Variants in DACH1 observed in about 807,000 individuals in gnomAD.
DACH1 encodes the protein dachshund homolog 1.
In DACH1, 12 loss-of-function variants were observed where a neutral mutation model predicts 54.2. The ratio of observed to expected loss-of-function variants is 0.22; its 90% confidence interval spans 0.14 to 0.36. DACH1 has a LOEUF of 0.36. DACH1 is among the 10% of genes least tolerant of loss of function. The probability of loss-of-function intolerance (pLI) is 1.00; values close to 1 mark genes in which losing one functional copy is unlikely to be tolerated. For missense variants in DACH1, 805 were observed against 929.8 expected, an observed-to-expected ratio of 0.87 and a Z score of 1.75; for synonymous variants, 386 against 366.2, an observed-to-expected ratio of 1.05 and a Z score of -0.62.
intron 1 of DACH1, among the ~76,000 whole-genome samples, chr13:71,698,288 T>A (rs1208417845): frequency 6.6e-6 from 1 of 152,158 alleles, no homozygotes; most frequent in Non-Finnish European, 1.5e-5. Context: ...TGTAATTAGT[T>A]AATAAACATT....
chr13:71,783,147 C>G (rs1886454139), intron 1 of DACH1, among the ~76,000 whole-genome samples: 2 of 152,114 alleles, frequency 1.3e-5, no homozygotes, highest in Non-Finnish European at 2.9e-5. Flanking sequence ...AGTTACAACA[C>G]TATCACCAGA....
chr13:71,495,699 A>G (rs776272016), intron 6 of DACH1, among the ~76,000 whole-genome samples: 5 of 152,190 alleles, frequency 3.3e-5, no homozygotes, highest in Admixed American at 3.3e-4. Context: ...GAATATTTAT[A>G]CATTATGGTG....
chr13:71,813,988 C>T (rs572961009), intron 1 of DACH1, among the ~76,000 whole-genome samples: 27 of 152,074 alleles, frequency 1.8e-4, no homozygotes, highest in African/African-American at 6.5e-4. Context: ...GTTGTAGTCT[C>T]GGAATAATTA....
chr13:71,506,574 C>T (rs1284415538), intron 6 of DACH1, among the ~76,000 whole-genome samples: 1 of 151,580 alleles, frequency 6.6e-6, no homozygotes, highest in Non-Finnish European at 1.5e-5. Flanking sequence ...TCATATGGAA[C>T]CAAAAAAGAG....
chr13:71,810,776 TTTAAA>T (rs1488530059), intron 1 of DACH1, among the ~76,000 whole-genome samples: 4 of 152,172 alleles, frequency 2.6e-5, no homozygotes, highest in Admixed American at 1.3e-4. Context: ...CCATAAATAA[TTTAAA>T]TTAAACTACA....
chr13:71,482,586 A>C (rs956369310), intron 7 of DACH1, among the ~76,000 whole-genome samples: 2 of 152,192 alleles, frequency 1.3e-5, no homozygotes, highest in African/African-American at 4.8e-5. Context: ...ACCAAGATGC[A>C]GAAGAATCAA....
At position 71,711,115 on chromosome 13, in the gene DACH1, C is replaced by G. The variant is rs543635351; in HGVS notation, c.849-29205G>C. 3.3e-5 allele frequency among the ~76,000 whole-genome samples: 5 copies of G among 152,234 alleles called. No individual in the cohort carries two copies. The East Asian group carries it at 9.6e-4, about 29-fold the overall frequency. ...ATACACGTTTAGGTCATACACTAGGCTGGATCCTTGAAAAATGCATGAAAT... is the reference window on the plus strand; with the variant it reads ...ATACACGTTTAGGTCATACACTAGGGTGGATCCTTGAAAAATGCATGAAAT... On this transcript the variant is annotated intron_variant, in intron 1 of 10. Coordinates refer to ENST00000613252, the MANE Select transcript of DACH1 (RefSeq NM_080759.6).
chr13:71,703,621 A>C (rs1296234929), intron 1 of DACH1, among the ~76,000 whole-genome samples: 1 of 152,244 alleles, frequency 6.6e-6, no homozygotes, highest in Non-Finnish European at 1.5e-5. Flanking sequence ...CTAGAGCTCA[A>C]CTGCAGATAG....
intron 5 of DACH1, among the ~76,000 whole-genome samples, chr13:71,559,514 T>C (rs1416793444): frequency 1.3e-5 from 2 of 152,206 alleles, no homozygotes; most frequent in East Asian, 3.9e-4. Flanking sequence ...AGACACTAGA[T>C]ATTTGAGAAT....
chr13:71,772,782 A>G (rs1885912962), intron 1 of DACH1, among the ~76,000 whole-genome samples: 1 of 151,786 alleles, frequency 6.6e-6, no homozygotes, highest in South Asian at 2.1e-4. Flanking sequence ...TATCTTAAAT[A>G]AAGAAAAAAG....
rs117017789 is a variant in DACH1 at position 71,468,493 on chromosome 13, G to A, written c.2083+6648C>T. Among the ~76,000 whole-genome samples the A allele has an allele frequency of 1.3e-3, 200 of 152,236 alleles. 2 individuals carry two copies. In the East Asian group the frequency reaches 0.031, roughly 24 times the overall value. ...CCCCATTCCCACACCGATCTTAAAA[G>A]TCATATTAGAAATTGAAATGTGCAT... On this transcript the variant is annotated intron_variant, in intron 10 of 10. Transcript: ENST00000613252.
At position 71,837,495 on chromosome 13, in the gene DACH1, G is replaced by A. The variant is rs78446878; in HGVS notation, c.848+28427C>T. Among the ~76,000 whole-genome samples the A allele has an allele frequency of 4.8e-3, 733 of 152,050 alleles. 32 individuals carry two copies. The East Asian group carries it at 0.088, about 18-fold the overall frequency. ...GTAACTGTTACTCCTATTTATCACCGCTTCTCCACTGTAGGTAGAAGGTAT... is the reference window on the plus strand; with the variant it reads ...GTAACTGTTACTCCTATTTATCACCACTTCTCCACTGTAGGTAGAAGGTAT... On this transcript the variant is annotated intron_variant, in intron 1 of 10. Coordinates refer to ENST00000613252, the MANE Select transcript of DACH1 (RefSeq NM_080759.6).
At chr13:71,694,989 G>A (rs1045461196) in intron 1 of DACH1, among the ~76,000 whole-genome samples, 2 of 151,992 alleles carry the variant, frequency 1.3e-5, no homozygotes, top group African/African-American at 4.8e-5. Context: ...ATAGAATTAT[G>A]GAGAATAAAA....
chr13:71,586,486 T>G (rs1873286458), intron 3 of DACH1, among the ~76,000 whole-genome samples: 1 of 152,116 alleles, frequency 6.6e-6, no homozygotes, highest in African/African-American at 2.4e-5. Flanking sequence ...ATTATACACA[T>G]CAGCAGATAG....
At position 71,748,141 on chromosome 13, in the gene DACH1, C is replaced by A. The variant is rs181232870; in HGVS notation, c.849-66231G>T. Among the ~76,000 whole-genome samples the A allele has an allele frequency of 9.1e-4, 137 of 150,976 alleles. 1 individual carries two copies. The highest frequency in any genetic ancestry group is 9.0e-3 in the Admixed American group (137 of 15,156). ...ACAAATGTATTCACACAGATTAACA[C>A]GTTGTGAACATGCTCTGTTAATATT... On this transcript the variant is annotated intron_variant, in intron 1 of 10. Transcript: ENST00000613252.
At chr13:71,827,649 A>G (rs1888431009) in intron 1 of DACH1, among the ~76,000 whole-genome samples, 1 of 152,064 alleles carries the variant, frequency 6.6e-6, no homozygotes, top group Non-Finnish European at 1.5e-5. Flanking sequence ...GTTTATAAAA[A>G]CATTGGATTC....
intron 2 of DACH1, among the ~76,000 whole-genome samples, chr13:71,670,715 G>A (rs1021787748): frequency 2.6e-5 from 4 of 151,926 alleles, no homozygotes; most frequent in African/African-American, 9.7e-5. Context: ...AGTTAGCAAT[G>A]GCATTGAATA....
intron 1 of DACH1, among the ~76,000 whole-genome samples, chr13:71,684,544 T>A (rs1881065091): frequency 6.6e-6 from 1 of 152,144 alleles, no homozygotes; most frequent in African/African-American, 2.4e-5. Flanking sequence ...CTCATTCCTG[T>A]TTTATCTGAC....
At chr13:71,777,906 C>G (rs1383960184) in intron 1 of DACH1, among the ~76,000 whole-genome samples, 2 of 151,726 alleles carry the variant, frequency 1.3e-5, no homozygotes, top group Non-Finnish European at 2.9e-5. Flanking sequence ...TGCTTGAACC[C>G]AAAAGTTTGA....
Sources: gnomAD v4.1 joint callset for allele counts (sites outside exome capture counted in the v4.1 genomes callset) on GRCh38, gnomAD v4.1.1 for gene constraint, MANE v1.5 for transcripts, NCBI Gene and HGNC (gene_info 2026-07-23, HGNC 2026-07-21) for gene names.